AUTS2: variants seen among roughly 807,000 people sequenced by gnomAD.
AUTS2 encodes autism susceptibility gene 2 protein.
Under a neutral mutation model 112.4 loss-of-function variants are expected in AUTS2, and 17 were observed. That is an observed-to-expected ratio of 0.15 (90% CI 0.10 to 0.23). The LOEUF is 0.23. Ranked by LOEUF, AUTS2 falls within the 10% of genes least tolerant of loss-of-function variation. The pLI, the probability that AUTS2 is intolerant of heterozygous loss-of-function variation, is 1.00. For missense variants in AUTS2, 1,510 were observed against 1,701.6 expected (o/e 0.89, Z 1.98); for synonymous variants, 751 against 702.7 (o/e 1.07, Z -1.09).
At chr7:70,075,812 A>G (rs1802999827) in intron 2 of AUTS2, among the ~76,000 whole-genome samples, 1 of 152,254 alleles carries the variant, frequency 6.6e-6, no homozygotes, top group African/African-American at 2.4e-5. Flanking sequence ...TAAAAGAAGT[A>G]GTCATCACTG....
At chr7:69,603,135 G>A (rs1442099243) in intron 1 of AUTS2, among the ~76,000 whole-genome samples, 1 of 152,218 alleles carries the variant, frequency 6.6e-6, no homozygotes, top group Non-Finnish European at 1.5e-5. Flanking sequence ...GTCACCACAT[G>A]TCATTAAGGC....
chr7:70,070,836 C>A (rs1437136890), intron 2 of AUTS2, among the ~76,000 whole-genome samples: 1 of 150,768 alleles, frequency 6.6e-6, no homozygotes, highest in Admixed American at 6.6e-5. Flanking sequence ...CAAGATCATG[C>A]CACTGCGCTC....
rs879909224 is a variant in AUTS2, at chr7:70,229,161, T to C, written c.660+94590T>C. On this transcript the variant is annotated intron_variant, in intron 4 of 18. Transcript: ENST00000342771. ...TCCTATAGTTACCTACATAGTTACC[T>C]TTAACAATGTTTATTTTTCTTCATG... 1.2e-4 allele frequency among the ~76,000 whole-genome samples: 18 copies of C among 152,186 alleles called. 1 individual carries two copies. Among genetic ancestry groups the C allele is most frequent in the Admixed American group, 1.0e-3 (16 of 15,282 alleles).
intron 6 of AUTS2, among the ~76,000 whole-genome samples, chr7:70,725,914 C>T (rs912066249): frequency 2.7e-5 from 4 of 150,698 alleles, no homozygotes; most frequent in Admixed American, 6.6e-5. Flanking sequence ...CCCAGCTACT[C>T]GGGAGGCTGA....
intron 4 of AUTS2, among the ~76,000 whole-genome samples, chr7:70,357,582 C>A (rs755486866): frequency 1.3e-5 from 2 of 152,196 alleles, no homozygotes; most frequent in Non-Finnish European, 2.9e-5. Flanking sequence ...GAGGTACACA[C>A]TCTTGACCCC....
At chr7:69,665,100 C>CT (rs1364897480) in intron 1 of AUTS2, among the ~76,000 whole-genome samples, 2 of 152,168 alleles carry the variant, frequency 1.3e-5, no homozygotes, top group Non-Finnish European at 2.9e-5. Context: ...ATAGCTGTGG[C>CT]TCCTGAAATA....
chr7:70,435,338 G>A (rs1236891971), intron 4 of AUTS2, among the ~76,000 whole-genome samples: 3 of 152,210 alleles, frequency 2.0e-5, no homozygotes, highest in Admixed American at 1.3e-4. Flanking sequence ...GCTGAAGATA[G>A]AATGTCTTCG....
chr7:70,287,703 A>AT (rs370124990), intron 4 of AUTS2, among the ~76,000 whole-genome samples: 1 of 152,042 alleles, frequency 6.6e-6, no homozygotes, highest in African/African-American at 2.4e-5. Flanking sequence ...TATTATGTAT[A>AT]TTTTTGCATA....
chr7:70,134,574 A>G lies in AUTS2; in HGVS notation c.660+3A>G. The G allele has an allele frequency of 3.1e-6, 5 of 1,613,534 alleles. No homozygotes were observed. The highest frequency in any genetic ancestry group is 4.2e-6 in the Non-Finnish European group (5 of 1,179,586). On this transcript the variant is annotated splice_donor_region_variant and intron_variant, in intron 4 of 18. Transcript: ENST00000342771. Reference sequence around the variant, plus strand: ...CCAGCTTGGGAACAGGCTACTTCGTAAGTCTATCTCAACTTCCACATATGT... The same window carrying G: ...CCAGCTTGGGAACAGGCTACTTCGTGAGTCTATCTCAACTTCCACATATGT...
At chr7:70,003,477 GAA>G (rs1236662999) in intron 2 of AUTS2, among the ~76,000 whole-genome samples, 14 of 72,732 alleles carry the variant, frequency 1.9e-4, no homozygotes, top group African/African-American at 8.2e-4. Flanking sequence ...TGTTATATAT[GAA>G]TATATATAAT....
rs767677656 is a variant in AUTS2 at position 70,790,984 on chromosome 7, C to T, written c.3768C>T (p.Ile1256=). ...CCCCTTCCCACACGCTGAAGGATAT[C>T]GAGGCCCGATAAGCCGAGAACAGGA... ...ERPPSHTLKD[I]EAR The change falls in exon 19 of 19, where the codon ATC becomes ATT. Residue 1256 remains isoleucine (I), a synonymous_variant. Coordinates refer to ENST00000342771, the MANE Select transcript of AUTS2 (RefSeq NM_015570.4). This position sits in a 1 kb window ranked among gnomAD's most constrained non-coding sequence, Gnocchi z 7.6. 2 of 1,496,898 alleles carry T rather than the reference C, an allele frequency of 1.3e-6. No individual in the cohort carries two copies. Among genetic ancestry groups the T allele is most frequent in the Admixed American group, 2.4e-5 (1 of 41,866 alleles). The allele number at this position is 1,496,898 out of a possible 1,614,324, so 92.7% of individuals were successfully genotyped here. A position where few individuals can be genotyped will look rare whatever the true frequency, so the allele number is the denominator to read the frequency against.
Position 70,100,701 on chromosome 7 carries a change from A to T in AUTS2, c.523-17431A>T, listed in dbSNP as rs192138181. On this transcript the variant is annotated intron_variant, in intron 2 of 18. Coordinates refer to ENST00000342771, the MANE Select transcript of AUTS2 (RefSeq NM_015570.4). Reference sequence around the variant, plus strand: ...GTTGAATTTCATGTACTGAAAAAGTAGATAGATTTAAAAACATTTAAATTT... The same window carrying T: ...GTTGAATTTCATGTACTGAAAAAGTTGATAGATTTAAAAACATTTAAATTT... Among the ~76,000 whole-genome samples, 324 of 152,106 alleles carry T rather than the reference A, an allele frequency of 2.1e-3. 1 individual carries two copies. Among genetic ancestry groups the T allele is most frequent in the Middle Eastern group, 3.4e-3 (1 of 294 alleles).
chr7:70,585,833 G>GATTGATTT (rs2129527715), intron 5 of AUTS2, among the ~76,000 whole-genome samples: 1 of 44,936 alleles, frequency 2.2e-5, no homozygotes, highest in African/African-American at 9.0e-5. Context: ...ATGAAATAAA[G>GATTGATTT]ATTTATTTAT....
At chr7:70,440,794 T>C (rs971281365) in intron 5 of AUTS2, among the ~76,000 whole-genome samples, 1 of 152,208 alleles carries the variant, frequency 6.6e-6, no homozygotes, top group Non-Finnish European at 1.5e-5. Flanking sequence ...ATTAAGTGAA[T>C]TGTATAGCTC....
chr7:70,446,757 G>A (rs545629672), intron 5 of AUTS2, among the ~76,000 whole-genome samples: 28 of 152,246 alleles, frequency 1.8e-4, no homozygotes, highest in Middle Eastern at 3.4e-3. Flanking sequence ...TCAGGCAGGC[G>A]GTCTGATGGG....
intron 5 of AUTS2, among the ~76,000 whole-genome samples, chr7:70,441,197 A>G (rs1000973908): frequency 2.0e-5 from 3 of 152,130 alleles, no homozygotes; most frequent in African/African-American, 4.8e-5. Context: ...ATGACTCCTG[A>G]TTGCAGTTTT....
intron 2 of AUTS2, among the ~76,000 whole-genome samples, chr7:70,023,582 C>T (rs921650793): frequency 6.6e-6 from 1 of 152,168 alleles, no homozygotes; most frequent in African/African-American, 2.4e-5. Context: ...GAATGTAAAG[C>T]ACTTAGAAGG....
At chr7:70,377,160 T>C (rs1356188250) in intron 4 of AUTS2, among the ~76,000 whole-genome samples, 1 of 151,314 alleles carries the variant, frequency 6.6e-6, no homozygotes, top group Non-Finnish European at 1.5e-5. Context: ...CCATGCTTCT[T>C]TGAAGCCTAA....
intron 1 of AUTS2, among the ~76,000 whole-genome samples, chr7:69,683,986 C>G (rs1406407689): frequency 6.6e-6 from 1 of 152,094 alleles, no homozygotes; most frequent in Non-Finnish European, 1.5e-5. Flanking sequence ...TGGAACCTCC[C>G]TAAATCTGAT....
Sources: allele counts gnomAD v4.1 joint callset (sites outside exome capture counted in the v4.1 genomes callset), GRCh38; gene constraint gnomAD v4.1.1; non-coding constraint Gnocchi (gnomAD v3.1); transcripts MANE v1.5; gene names NCBI Gene and HGNC (gene_info 2026-07-23, HGNC 2026-07-21).